CEP104: variants seen among roughly 807,000 people sequenced by gnomAD.
CEP104 encodes the protein centrosomal protein 104, also known as centrosomal protein of 104 kDa.
In CEP104, 84 loss-of-function variants were observed where a neutral mutation model predicts 113.3. The observed-to-expected ratio is 0.74, with a 90% CI of 0.62 to 0.89. The LOEUF (loss-of-function observed/expected upper bound fraction) is 0.89, where lower values mean the gene tolerates loss of function less well. CEP104 is among the 40% of genes least tolerant of loss of function. The pLI is 0.00. For synonymous variants in CEP104, 378 were observed against 421.7 expected, an observed-to-expected ratio of 0.90 and a Z score of 1.27; for missense variants, 1,053 against 1,156.6, an observed-to-expected ratio of 0.91 and a Z score of 1.30.
Position 3,831,032 on chromosome 1 carries a change from C to T in CEP104, c.1836+14G>A, listed in dbSNP as rs75027831. On this transcript the variant is annotated intron_variant, in intron 13 of 21. Coordinates refer to ENST00000378230, the MANE Select transcript of CEP104 (RefSeq NM_014704.4). ...GCTGGGCCGCGTGGTGTGTCACACG[C>T]GAGGTCTGCTTACCTTCATCACGTT... The T allele has an allele frequency of 1.2e-3, 1,885 of 1,609,816 alleles. 17 individuals are homozygous for T. The African/African-American group carries it at 0.021, about 18-fold the overall frequency.
Position 3,847,483 on chromosome 1 carries a change from A to G in CEP104, c.418T>C (p.Tyr140His), listed in dbSNP as rs1644528868. The change falls in exon 4 of 22, where the codon TAT becomes CAT. Residue 140 changes from tyrosine to histidine, a missense_variant. Transcript: ENST00000378230. ...HQNHVNKYNIYNQVALVAINI... is the reference protein window; with the variant it reads ...HQNHVNKYNIHNQVALVAINI... Reference sequence around the variant, plus strand: ...AGCTGCATGCATCTTACCTGATTATATATGTTGTATTTGTTGACATGGTTT... The same window carrying G: ...AGCTGCATGCATCTTACCTGATTATGTATGTTGTATTTGTTGACATGGTTT... 2 of 1,602,820 alleles carry G rather than the reference A, an allele frequency of 1.2e-6. No individual in the cohort carries two copies. Among genetic ancestry groups the G allele is most frequent in the South Asian group, 1.1e-5 (1 of 88,948 alleles).
chr1:3,851,416 C>T (rs1343624114), intron 2 of CEP104, among the ~76,000 whole-genome samples: 2 of 152,078 alleles, frequency 1.3e-5, no homozygotes, highest in African/African-American at 4.8e-5. Flanking sequence ...AAATGCCATA[C>T]ATATTTACGC....
chr1:3,841,675 G>A (rs1644415749), intron 6 of CEP104, among the ~76,000 whole-genome samples: 1 of 152,168 alleles, frequency 6.6e-6, no homozygotes, highest in Non-Finnish European at 1.5e-5. Flanking sequence ...AGGCCCGCAC[G>A]TGCCAGTCAC....
chr1:3,845,011 T>A (rs777744615), intron 5 of CEP104, 28 bp from the exon 6 acceptor site: 1 of 1,574,650 alleles, frequency 6.4e-7, no homozygotes, highest in Admixed American at 1.7e-5. Context: ...CTGCTTAGTG[T>A]CTCAGAGAGA....
intron 1 of CEP104, among the ~76,000 whole-genome samples, chr1:3,855,026 C>A (rs545280387): frequency 6.6e-6 from 1 of 151,246 alleles, no homozygotes; most frequent in South Asian, 2.1e-4. Context: ...TGCGCACCAC[C>A]ACACCCAGCT....
rs1643811052 is a variant in CEP104 at position 3,812,410 on chromosome 1, ATATT to A, written c.*2988_*2991del. 1 of 152,210 alleles carries A rather than the reference ATATT, an allele frequency of 6.6e-6. No individual in the cohort carries two copies. The highest frequency in any genetic ancestry group is 1.5e-5 in the Non-Finnish European group (1 of 68,042). The allele number at this position is 152,210 out of a possible 1,614,324, so 9.4% of individuals were successfully genotyped here. On this transcript the variant is annotated 3_prime_UTR_variant, in exon 22 of 22. Transcript: ENST00000378230. ...CAATTAATTAGTATTCCTAATTTAG[ATATT>A]TATTTATGAATGACCAAGGGATTTT... is the stretch of plus-strand genomic sequence containing the variant.
At position 3,813,779 on chromosome 1, in the gene CEP104, G is replaced by A. The variant is rs941097312; in HGVS notation, c.*1623C>T. 4 of 152,040 alleles carry A rather than the reference G, an allele frequency of 2.6e-5. No individual in the cohort carries two copies. The highest frequency in any genetic ancestry group is 9.7e-5 in the African/African-American group (4 of 41,414). 9.4% of individuals were successfully genotyped at this position (152,040 alleles called of 1,614,324 possible). On this transcript the variant is annotated 3_prime_UTR_variant, in exon 22 of 22. Transcript: ENST00000378230. ...GCAGGAGAATTGCTTGAACCCAGGA[G>A]GTGGAGGTTACTGTGAGCCAAGATC...
At chr1:3,856,274 CG>C (rs1472156822) in intron 1 of CEP104, among the ~76,000 whole-genome samples, 3 of 152,036 alleles carry the variant, frequency 2.0e-5, no homozygotes, top group Admixed American at 1.3e-4. Flanking sequence ...TCGGGCTACT[CG>C]GGAGGCTGAG....
In CEP104 at chr1:3,833,819, T is replaced by C. The variant is rs751864284; in HGVS notation, c.1659+43A>G. ...AGAAAGCCAGAGAGCTACAGGAATA[T>C]GTTTATCATCTACGGTTTCAAATGC... On this transcript the variant is annotated intron_variant, in intron 12 of 21. Transcript: ENST00000378230. 1.9e-6 allele frequency: 3 copies of C among 1,591,528 alleles called. No homozygotes were observed. The South Asian group carries it at 3.3e-5, about 18-fold the overall frequency.
rs1460145643 is a variant in CEP104, at chr1:3,823,390, C to G, written c.2503+34G>C. ...TTCCTCCAAGAGGACCCCTGGTGACCCGAGGGCACGGGAGCCTGGGAAGGG... is the reference window on the plus strand; with the variant it reads ...TTCCTCCAAGAGGACCCCTGGTGACGCGAGGGCACGGGAGCCTGGGAAGGG... On this transcript the variant is annotated intron_variant, in intron 19 of 21. Coordinates refer to ENST00000378230, the MANE Select transcript of CEP104 (RefSeq NM_014704.4). The surrounding 1 kb of genome is among the most constrained non-coding windows in gnomAD (Gnocchi z 4.1). The G allele has an allele frequency of 6.2e-7, 1 of 1,614,060 alleles. No homozygotes were observed. The highest frequency in any genetic ancestry group is 1.1e-5 in the South Asian group (1 of 91,074).
At chr1:3,817,479 A>T (rs1437899354) in intron 20 of CEP104, among the ~76,000 whole-genome samples, 1 of 151,966 alleles carries the variant, frequency 6.6e-6, no homozygotes, top group Non-Finnish European at 1.5e-5. Flanking sequence ...GTTTCTGGCC[A>T]CCTGCGGCAG....
At chr1:3,849,747 T>C (rs961964051) in intron 2 of CEP104, among the ~76,000 whole-genome samples, 5 of 152,168 alleles carry the variant, frequency 3.3e-5, no homozygotes, top group Non-Finnish European at 7.3e-5. Flanking sequence ...TTACTGCTTT[T>C]AAATACAGGG....
In CEP104 at chr1:3,847,874, A is replaced by G. The variant is rs374091063; in HGVS notation, c.288-261T>C. Among the ~76,000 whole-genome samples the G allele has an allele frequency of 3.9e-5, 6 of 152,164 alleles. No homozygotes were observed. The South Asian group carries it at 8.3e-4, about 21-fold the overall frequency. On this transcript the variant is annotated intron_variant, in intron 3 of 21. Transcript: ENST00000378230. The stretch of plus-strand genomic sequence containing the variant: ...TGTTGAGATGGAGTCTTGTTCTGCT[A>G]CCCAGGCTGGAGTGCAGTGGCGCGA...
chr1:3,850,912 G>A lies in CEP104; in HGVS notation c.113+1383C>T, dbSNP rs150816530. 2.2e-4 allele frequency among the ~76,000 whole-genome samples: 34 copies of A among 152,350 alleles called. No homozygotes were observed. In the East Asian group the frequency reaches 5.6e-3, roughly 25 times the overall value. ...AAAAAGGGTGGCTGTGTGTATACTT[G>A]AGAATCTTCAATCCCCAAATAACAC... is the stretch of plus-strand genomic sequence containing the variant. On this transcript the variant is annotated intron_variant, in intron 2 of 21. Coordinates refer to ENST00000378230, the MANE Select transcript of CEP104 (RefSeq NM_014704.4).
At position 3,856,969 on chromosome 1, in the gene CEP104, CGGGGAGGCGGCCA is replaced by C. The variant is rs1395221190; in HGVS notation, c.-108_-96del. The C allele has an allele frequency of 6.6e-6, 1 of 151,930 alleles. No individual in the cohort carries two copies. The highest frequency in any genetic ancestry group is 1.5e-5 in the Non-Finnish European group (1 of 67,996). The allele number at this position is 151,930 out of a possible 1,614,324, so 9.4% of individuals were successfully genotyped here. On this transcript the variant is annotated 5_prime_UTR_variant, in exon 1 of 22. Transcript: ENST00000378230. ...GCTGGGTCGGAGCGGTGCCGCGGCC[CGGGGAGGCGGCCA>C]GGCGGCGCCTCAGCACCCGGACCCC...
In CEP104 at chr1:3,837,496, G is replaced by A; in HGVS notation, c.915C>T (p.Pro305=). 6.2e-7 allele frequency: 1 copy of A among 1,614,180 alleles called. No individual in the cohort carries two copies. Among genetic ancestry groups the A allele is most frequent in the Non-Finnish European group, 8.5e-7 (1 of 1,180,028 alleles). The part of the protein sequence containing the change: ...AELMRRPFDL[P]LQPLARSGSP... ...TGCCAGAACGAGCGAGGGGCTGGAGGGGCAAATCAAAAGGTCTTCGCATCT... is the reference window on the plus strand; with the variant it reads ...TGCCAGAACGAGCGAGGGGCTGGAGAGGCAAATCAAAAGGTCTTCGCATCT... The change falls in exon 9 of 22, where the codon CCC becomes CCT. Residue 305 remains proline (P), a synonymous_variant. Coordinates refer to ENST00000378230, the MANE Select transcript of CEP104 (RefSeq NM_014704.4).
At chr1:3,852,159 A>C in intron 2 of CEP104, 136 bp downstream of exon 2, 1 of 742,762 alleles carries the variant, frequency 1.3e-6, no homozygotes, top group East Asian at 2.8e-5. Flanking sequence ...GATGCCTGAC[A>C]CTGCATGCTG....
intron 20 of CEP104, among the ~76,000 whole-genome samples, chr1:3,818,784 G>A (rs1643918165): frequency 6.6e-6 from 1 of 152,166 alleles, no homozygotes; most frequent in Non-Finnish European, 1.5e-5. Context: ...TGTTAAGCAT[G>A]TTCACGATGC....
rs549371282 is a variant in CEP104 at position 3,820,415 on chromosome 1, T to C, written c.2571+2759A>G. On this transcript the variant is annotated intron_variant, in intron 20 of 21. Coordinates refer to ENST00000378230, the MANE Select transcript of CEP104 (RefSeq NM_014704.4). Reference sequence around the variant, plus strand: ...ATGTATGTGCAGTGAAAACTGCTTCTATTGGGTAGAAAAGGGGCAGGATGC... The same window carrying C: ...ATGTATGTGCAGTGAAAACTGCTTCCATTGGGTAGAAAAGGGGCAGGATGC... 2.4e-4 allele frequency among the ~76,000 whole-genome samples: 27 copies of C among 113,204 alleles called. No individual in the cohort carries two copies. The South Asian group carries it at 7.3e-3, about 31-fold the overall frequency. 74.3% of individuals were successfully genotyped at this position (113,204 alleles called of 152,430 possible).
Sources: gnomAD v4.1 joint callset for allele counts (sites outside exome capture counted in the v4.1 genomes callset) on GRCh38, gnomAD v4.1.1 for gene constraint, Gnocchi (gnomAD v3.1) non-coding constraint, MANE v1.5 for transcripts, NCBI Gene and HGNC (gene_info 2026-07-23, HGNC 2026-07-21) for gene names.